RGS17: variants seen among roughly 807,000 people sequenced by gnomAD.
RGS17 encodes the protein regulator of G protein signaling 17, also known as regulator of G-protein signaling 17.
RGS17 carries 12 observed loss-of-function variants against 25.5 expected under a neutral mutation model. That is an observed-to-expected ratio of 0.47 (90% CI 0.30 to 0.76). The LOEUF is 0.76. Among genes scored for constraint, RGS17 ranks in the 30% least tolerant of loss-of-function variants. The pLI, the probability that RGS17 is intolerant of heterozygous loss-of-function variation, is 0.07. For missense variants in RGS17, 196 were observed against 242.2 expected, an observed-to-expected ratio of 0.81 and a Z score of 1.27; for synonymous variants, 71 against 76.9, an observed-to-expected ratio of 0.92 and a Z score of 0.40.
chr6:153,011,383 G>A lies in RGS17; in HGVS notation c.*191C>T, dbSNP rs1779131249. 1 of 562,012 alleles carries A rather than the reference G, an allele frequency of 1.8e-6. No homozygotes were observed. Among genetic ancestry groups the A allele is most frequent in the Admixed American group, 3.5e-5 (1 of 28,854 alleles). 34.8% of individuals were successfully genotyped at this position (562,012 alleles called of 1,614,324 possible). ...AAACAATTTGGCAATTCATTGTTTT[G>A]TGTGGTATTTTCTCCAAACTTAACC... On this transcript the variant is annotated 3_prime_UTR_variant, in exon 5 of 5. Coordinates refer to ENST00000206262, the MANE Select transcript of RGS17 (RefSeq NM_012419.5).
rs1266382697 is a variant in RGS17 at position 153,010,144 on chromosome 6, T to A, written c.*1430A>T. ...TCTTTTTAAAACTTTCATTTTAGGT[T>A]ACTCAGTATTATATTCATTCAGTTT... On this transcript the variant is annotated 3_prime_UTR_variant, in exon 5 of 5. Transcript: ENST00000206262. 1 of 152,046 alleles carries A rather than the reference T, an allele frequency of 6.6e-6. No individual in the cohort carries two copies. Among genetic ancestry groups the A allele is most frequent in the Non-Finnish European group, 1.5e-5 (1 of 67,818 alleles). 9.4% of individuals were successfully genotyped at this position (152,046 alleles called of 1,614,324 possible). A position where few individuals can be genotyped will look rare whatever the true frequency, so the allele number is the denominator to read the frequency against.
intron 1 of RGS17, among the ~76,000 whole-genome samples, chr6:153,106,305 T>G (rs1777383023): frequency 6.6e-6 from 1 of 151,934 alleles, no homozygotes; most frequent in Admixed American, 6.6e-5. Flanking sequence ...GGACTTTACC[T>G]TAGACCTTAA....
At chr6:153,069,061 T>C (rs1776746277) in intron 1 of RGS17, among the ~76,000 whole-genome samples, 2 of 152,124 alleles carry the variant, frequency 1.3e-5, no homozygotes, top group Admixed American at 6.6e-5. Flanking sequence ...CTCCAAAAAC[T>C]AAAAGTAGAG....
intron 1 of RGS17, among the ~76,000 whole-genome samples, chr6:153,090,907 C>G (rs1046654475): frequency 5.3e-5 from 8 of 152,006 alleles, no homozygotes; most frequent in African/African-American, 1.9e-4. Context: ...TGGAACTAAT[C>G]CCCTGAGGAT....
rs551396120 is a variant in RGS17, at chr6:153,043,092, C to T, written c.119+808G>A. Among the ~76,000 whole-genome samples the T allele has an allele frequency of 1.4e-3, 215 of 152,258 alleles. 1 individual carries two copies. Among genetic ancestry groups the T allele is most frequent in the Non-Finnish European group, 2.3e-3 (156 of 68,028 alleles). On this transcript the variant is annotated intron_variant, in intron 2 of 4. Coordinates refer to ENST00000206262, the MANE Select transcript of RGS17 (RefSeq NM_012419.5). Reference sequence around the variant, plus strand: ...ATAAATGTTAGGCACTTTACGAATCCGGAACTCGAGCAGGTTCTCTGAGCT... The same window carrying T: ...ATAAATGTTAGGCACTTTACGAATCTGGAACTCGAGCAGGTTCTCTGAGCT...
chr6:153,104,042 C>G (rs1777344307), intron 1 of RGS17, among the ~76,000 whole-genome samples: 1 of 152,134 alleles, frequency 6.6e-6, no homozygotes, highest in Non-Finnish European at 1.5e-5. Flanking sequence ...ACACATTACT[C>G]ATTTGATATT....
At chr6:153,102,869 C>G (rs566116623) in intron 1 of RGS17, among the ~76,000 whole-genome samples, 2 of 152,316 alleles carry the variant, frequency 1.3e-5, no homozygotes, top group South Asian at 4.1e-4. Flanking sequence ...TGCATTCTAT[C>G]TTAAAATATT....
chr6:153,046,516 AAAAT>A (rs1724205101), intron 1 of RGS17, among the ~76,000 whole-genome samples: 1 of 151,948 alleles, frequency 6.6e-6, no homozygotes, highest in African/African-American at 2.4e-5. Flanking sequence ...AATAAATAAT[AAAAT>A]AAAATAAATT....
At position 153,103,027 on chromosome 6, in the gene RGS17, T is replaced by C. The variant is rs570742160; in HGVS notation, c.-26+28097A>G. Among the ~76,000 whole-genome samples, 3 of 152,344 alleles carry C rather than the reference T, an allele frequency of 2.0e-5. No individual in the cohort carries two copies. In the East Asian group the frequency reaches 5.8e-4, roughly 29 times the overall value. Reference sequence around the variant, plus strand: ...TATTACATCCATCTCAGAATTTTTATAGCTCAGTGAATAAAGAATATGGCT... The same window carrying C: ...TATTACATCCATCTCAGAATTTTTACAGCTCAGTGAATAAAGAATATGGCT... On this transcript the variant is annotated intron_variant, in intron 1 of 4. Coordinates refer to ENST00000206262, the MANE Select transcript of RGS17 (RefSeq NM_012419.5).
At chr6:153,056,797 A>T (rs1776566219) in intron 1 of RGS17, among the ~76,000 whole-genome samples, 1 of 150,752 alleles carries the variant, frequency 6.6e-6, no homozygotes, top group African/African-American at 2.5e-5. Context: ...TTGTTTAGAT[A>T]TTGTTTTCCA....
intron 1 of RGS17, among the ~76,000 whole-genome samples, chr6:153,091,191 C>G (rs1262438496): frequency 2.0e-5 from 3 of 152,140 alleles, no homozygotes; most frequent in Non-Finnish European, 2.9e-5. Flanking sequence ...GATTCCCACT[C>G]ATTAATCTTA....
intron 1 of RGS17, among the ~76,000 whole-genome samples, chr6:153,070,405 CTACTT>C (rs958848659): frequency 7.2e-5 from 11 of 152,104 alleles, no homozygotes; most frequent in African/African-American, 2.6e-4. Flanking sequence ...CAACAAATAT[CTACTT>C]TATAAATTTC....
intron 1 of RGS17, among the ~76,000 whole-genome samples, chr6:153,078,904 C>T (rs1215156392): frequency 1.3e-5 from 2 of 150,114 alleles, no homozygotes; most frequent in Admixed American, 6.7e-5. Context: ...TGTATCCTGA[C>T]TAAATTTACA....
chr6:153,094,236 C>T (rs145929490), intron 1 of RGS17, among the ~76,000 whole-genome samples: 1,813 of 151,886 alleles, frequency 0.012, 46 homozygotes, highest in African/African-American at 0.04. Context: ...CCACCACGCC[C>T]GGCTAATTTT....
intron 2 of RGS17, among the ~76,000 whole-genome samples, chr6:153,042,611 T>C (rs1776336939): frequency 6.6e-6 from 1 of 152,202 alleles, no homozygotes; most frequent in Non-Finnish European, 1.5e-5. Flanking sequence ...TATAGCAGCA[T>C]AAAAATGGAC....
intron 2 of RGS17, among the ~76,000 whole-genome samples, chr6:153,040,773 T>G (rs895457815): frequency 6.6e-6 from 1 of 151,968 alleles, no homozygotes; most frequent in Admixed American, 6.6e-5. Flanking sequence ...TAAAAACATA[T>G]GGGTAAAGGA....
intron 1 of RGS17, among the ~76,000 whole-genome samples, chr6:153,076,508 G>A (rs998843797): frequency 6.6e-6 from 1 of 152,078 alleles, no homozygotes; most frequent in African/African-American, 2.4e-5. Flanking sequence ...TCTGGATCCC[G>A]GGTTCTAAAT....
At chr6:153,068,306 G>A (rs1451852605) in intron 1 of RGS17, among the ~76,000 whole-genome samples, 3 of 152,060 alleles carry the variant, frequency 2.0e-5, no homozygotes, top group Non-Finnish European at 4.4e-5. Context: ...AACTAGCTGG[G>A]CATGGTGGTG....
At chr6:153,012,104 C>T (rs759359349) in intron 4 of RGS17, among the ~76,000 whole-genome samples, 125 of 152,170 alleles carry the variant, frequency 8.2e-4, no homozygotes, top group Non-Finnish European at 8.2e-4. Flanking sequence ...GTGAATTCAC[C>T]TCCTGCTATT....
Sources: allele counts gnomAD v4.1 joint callset (sites outside exome capture counted in the v4.1 genomes callset), GRCh38; gene constraint gnomAD v4.1.1; transcripts MANE v1.5; gene names NCBI Gene and HGNC (gene_info 2026-07-23, HGNC 2026-07-21).